The following OXCT1 variants were observed in gnomAD, a reference collection of about 807,000 sequenced individuals.
The protein encoded by OXCT1 is 3-oxoacid CoA-transferase 1, also known as succinyl-CoA:3-ketoacid coenzyme A transferase 1, mitochondrial.
A neutral mutation model predicts 69.6 loss-of-function variants in OXCT1; 27 were observed. That is an observed-to-expected ratio of 0.39 (90% CI 0.29 to 0.54). The LOEUF (loss-of-function observed/expected upper bound fraction) is 0.54, where lower values mean the gene tolerates loss of function less well. OXCT1 is among the 20% of genes least tolerant of loss of function. OXCT1 has a pLI of 0.72. For missense variants in OXCT1, 437 were observed against 650.2 expected (o/e 0.67, Z 3.57); for synonymous variants, 202 against 217.8 (o/e 0.93, Z 0.64).
intron 7 of OXCT1, among the ~76,000 whole-genome samples, chr5:41,817,448 T>C (rs529347913): frequency 6.6e-6 from 1 of 152,218 alleles, no homozygotes; most frequent in Non-Finnish European, 1.5e-5. Flanking sequence ...TTCCTAGACA[T>C]TCTATTACAA....
intron 13 of OXCT1, among the ~76,000 whole-genome samples, chr5:41,770,456 C>A (rs954997657): frequency 6.6e-6 from 1 of 152,168 alleles, no homozygotes; most frequent in African/African-American, 2.4e-5. Context: ...CTGAACTACA[C>A]TGAATTTGCT....
rs78232792 is a variant in OXCT1 at position 41,733,709 on chromosome 5, A to G, written c.1522-1939T>C. 5.3e-5 allele frequency among the ~76,000 whole-genome samples: 8 copies of G among 152,314 alleles called. No homozygotes were observed. In the South Asian group the frequency reaches 1.4e-3, roughly 28 times the overall value. ...GCTCTTAATGTCATTTACATTCTCAATGTGAAAAATGACATCAAAAATAAG... is the reference window on the plus strand; with the variant it reads ...GCTCTTAATGTCATTTACATTCTCAGTGTGAAAAATGACATCAAAAATAAG... On this transcript the variant is annotated intron_variant, in intron 16 of 16. Transcript: ENST00000196371.
intron 13 of OXCT1, among the ~76,000 whole-genome samples, chr5:41,792,978 C>T (rs1745994882): frequency 6.6e-6 from 1 of 152,170 alleles, no homozygotes; most frequent in Non-Finnish European, 1.5e-5. Flanking sequence ...AATACACCAC[C>T]AAGTTTGAAA....
At chr5:41,745,390 A>G (rs527455900) in intron 15 of OXCT1, among the ~76,000 whole-genome samples, 325 of 152,278 alleles carry the variant, frequency 2.1e-3, no homozygotes, top group African/African-American at 7.5e-3. Context: ...TCTCTGGGAC[A>G]CATTCAAAGC....
rs776463096 is a variant in OXCT1 at position 41,870,141 on chromosome 5, C to T, written c.78+140G>A. On this transcript the variant is annotated intron_variant, in intron 1 of 16. Transcript: ENST00000196371. This position sits in a 1 kb window ranked among gnomAD's most constrained non-coding sequence, Gnocchi z 4.2. The stretch of plus-strand genomic sequence containing the variant: ...GGCCAGGAACGCGTCGCCGCGTGTC[C>T]GTGACCAGGGCACCGCGCCACGGAT... The T allele has an allele frequency of 1.3e-6, 1 of 756,242 alleles. No homozygotes were observed. The highest frequency in any genetic ancestry group is 2.3e-6 in the Non-Finnish European group (1 of 428,194). The allele number at this position is 756,242 out of a possible 1,614,324, so 46.8% of individuals were successfully genotyped here.
chr5:41,785,696 T>C (rs1745608395), intron 13 of OXCT1, among the ~76,000 whole-genome samples: 1 of 152,134 alleles, frequency 6.6e-6, no homozygotes, highest in South Asian at 2.1e-4. Flanking sequence ...TGCTCAGAAG[T>C]AGAATTTACA....
At chr5:41,743,363 T>C (rs926288820) in intron 15 of OXCT1, among the ~76,000 whole-genome samples, 4 of 152,248 alleles carry the variant, frequency 2.6e-5, no homozygotes, top group African/African-American at 9.6e-5. Context: ...GGGTTCTTTG[T>C]AGATTCTGGA....
At chr5:41,758,488 T>C (rs1744191601) in intron 14 of OXCT1, among the ~76,000 whole-genome samples, 1 of 151,710 alleles carries the variant, frequency 6.6e-6, no homozygotes. Flanking sequence ...TATAAAGAGT[T>C]CTGGAGGGAA....
intron 7 of OXCT1, among the ~76,000 whole-genome samples, chr5:41,813,027 C>A (rs969226591): frequency 5.3e-5 from 8 of 152,002 alleles, no homozygotes; most frequent in African/African-American, 1.9e-4. Flanking sequence ...AATTGGACAG[C>A]AGTCTAAGTC....
chr5:41,739,504 G>A lies in OXCT1; in HGVS notation c.1420-13C>T. On this transcript the variant is annotated splice_polypyrimidine_tract_variant and intron_variant, in intron 15 of 16. Transcript: ENST00000196371. ...CATCAAACACAGCCTGTCAGAGTGG[G>A]AAGAAAAAGGACAATGACAATTTCC... 12 of 1,527,448 alleles carry A rather than the reference G, an allele frequency of 7.9e-6. No individual in the cohort carries two copies. Among genetic ancestry groups the A allele is most frequent in the Non-Finnish European group, 1.0e-5 (11 of 1,101,076 alleles). The allele number at this position is 1,527,448 out of a possible 1,614,324, so 94.6% of individuals were successfully genotyped here.
At chr5:41,816,207 A>G (rs1024102127) in intron 7 of OXCT1, among the ~76,000 whole-genome samples, 18 of 152,330 alleles carry the variant, frequency 1.2e-4, no homozygotes, top group Middle Eastern at 3.4e-3. Flanking sequence ...TAGAGCAGTA[A>G]GCAGAGTAGA....
intron 13 of OXCT1, among the ~76,000 whole-genome samples, chr5:41,781,611 C>A (rs566098141): frequency 4.6e-5 from 7 of 152,140 alleles, no homozygotes; most frequent in Admixed American, 2.6e-4. Flanking sequence ...TCGCTCCCCC[C>A]ATACCCCAAC....
At chr5:41,859,387 A>G (rs1749612593) in intron 3 of OXCT1, among the ~76,000 whole-genome samples, 1 of 152,196 alleles carries the variant, frequency 6.6e-6, no homozygotes, top group Non-Finnish European at 1.5e-5. Context: ...TCATATCTCA[A>G]ACTGCAAAAG....
intron 14 of OXCT1, among the ~76,000 whole-genome samples, chr5:41,755,573 T>C (rs560284014): frequency 3.4e-4 from 52 of 152,246 alleles, no homozygotes; most frequent in African/African-American, 5.5e-4. Flanking sequence ...AGAAAGGGTT[T>C]TCCTTAAAAA....
chr5:41,807,494 A>C (rs1746743520), intron 7 of OXCT1, 56 bp from the exon 8 acceptor site: 5 of 996,050 alleles, frequency 5.0e-6, no homozygotes, highest in Non-Finnish European at 8.0e-6. Context: ...GAACATTTTT[A>C]ATTTTTTAAA....
intron 11 of OXCT1, among the ~76,000 whole-genome samples, chr5:41,796,313 G>A (rs1746177990): frequency 6.6e-6 from 1 of 152,138 alleles, no homozygotes; most frequent in African/African-American, 2.4e-5. Flanking sequence ...AACCAGGAAG[G>A]TGCTCACATA....
chr5:41,857,313 T>C (rs986878472), intron 3 of OXCT1, among the ~76,000 whole-genome samples: 3 of 152,214 alleles, frequency 2.0e-5, no homozygotes, highest in African/African-American at 7.2e-5. Flanking sequence ...ATTAAAGGTC[T>C]CCGGAGTGGC....
intron 7 of OXCT1, among the ~76,000 whole-genome samples, chr5:41,818,190 C>T (rs1047784541): frequency 1.3e-5 from 2 of 152,018 alleles, no homozygotes; most frequent in African/African-American, 4.8e-5. Flanking sequence ...ATGGAGAAGA[C>T]AGGTAACCAG....
At chr5:41,771,827 C>T (rs1014926299) in intron 13 of OXCT1, among the ~76,000 whole-genome samples, 2 of 152,160 alleles carry the variant, frequency 1.3e-5, no homozygotes, top group Non-Finnish European at 2.9e-5. Context: ...TTATTTTCTT[C>T]CTTCCACTGA....
Sources: gnomAD v4.1 joint callset for allele counts (sites outside exome capture counted in the v4.1 genomes callset) on GRCh38, gnomAD v4.1.1 for gene constraint, Gnocchi (gnomAD v3.1) non-coding constraint, MANE v1.5 for transcripts, NCBI Gene and HGNC (gene_info 2026-07-23, HGNC 2026-07-21) for gene names.